Variants in GALT observed in about 807,000 individuals in gnomAD.
GALT encodes galactose-1-phosphate uridylyltransferase.
In GALT, 42 loss-of-function variants were observed where a neutral mutation model predicts 55.4. That is an observed-to-expected ratio of 0.76 (90% CI 0.59 to 0.98). The LOEUF is 0.98. Ranked by LOEUF, GALT falls within the 50% of genes least tolerant of loss-of-function variation. The pLI, the probability that GALT is intolerant of heterozygous loss-of-function variation, is 0.00. For synonymous variants in GALT, 154 were observed against 181.5 expected, an observed-to-expected ratio of 0.85 and a Z score of 1.22; for missense variants, 407 against 495.7, an observed-to-expected ratio of 0.82 and a Z score of 1.70.
intron 1 of GALT, 57 bp downstream of exon 1, chr9:34,646,843 T>G (rs1308876476): frequency 6.2e-7 from 1 of 1,611,638 alleles, no homozygotes; most frequent in East Asian, 2.2e-5. Context: ...TCCCCTTCCT[T>G]AGGAAGCTTT....
chr9:34,647,213 C>T lies in GALT; in HGVS notation c.207C>T (p.Asp69=), dbSNP rs777562713. 6.2e-7 allele frequency: 1 copy of T among 1,614,188 alleles called. No individual in the cohort carries two copies. Among genetic ancestry groups the T allele is most frequent in the South Asian group, 1.1e-5 (1 of 91,090 alleles). Residue 69 remains aspartate, a synonymous_variant, in exon 2 of 11, where the codon GAC becomes GAT. Coordinates refer to ENST00000378842, the MANE Select transcript of GALT (RefSeq NM_000155.4). This position sits in a 1 kb window ranked among gnomAD's most constrained non-coding sequence, Gnocchi z 5.6. The stretch of plus-strand genomic sequence containing the variant: ...TTCTGAAGACAGTGCCCCGCCATGA[C>T]CCTCTCAACCCTCTGTGTCCTGGGG... ...PQLLKTVPRH[D]PLNPLCPGAI...
chr9:34,650,037 T>C, intron 10 of GALT: 1 of 358,876 alleles, frequency 2.8e-6, no homozygotes, highest in Non-Finnish European at 5.2e-6. Context: ...CCCAGCACTT[T>C]GGGAGGTCAA....
At position 34,649,539 on chromosome 9, in the gene GALT, C is replaced by A. The variant is rs111033815; in HGVS notation, c.1034C>A (p.Ala345Asp). The A allele has an allele frequency of 2.5e-6, 4 of 1,614,082 alleles. No homozygotes were observed. In the East Asian group the frequency reaches 8.9e-5, roughly 36 times the overall value. Residue 345 changes from alanine (A) to aspartate (D), a missense_variant, in exon 10 of 11, where the codon GCT becomes GAT. Ala to Asp is a moderately radical substitution (Grantham distance 126). Coordinates refer to ENST00000378842, the MANE Select transcript of GALT (RefSeq NM_000155.4). ...FMVGYEMLAQ[A>D]QRDLTPEQAA... ...GTTGGCTACGAAATGCTTGCTCAGG[C>A]TCAGAGGGACCTCACCCCTGAGCAG...
In GALT at chr9:34,647,556, C is replaced by G; in HGVS notation, c.317C>G (p.Ala106Gly). The G allele has an allele frequency of 6.2e-7, 1 of 1,614,128 alleles. No individual in the cohort carries two copies. The highest frequency in any genetic ancestry group is 8.5e-7 in the Non-Finnish European group (1 of 1,180,012). Residue 106 changes from alanine to glycine, a missense_variant, in exon 3 of 11, where the codon GCC becomes GGC. Coordinates refer to ENST00000378842, the MANE Select transcript of GALT (RefSeq NM_000155.4). The surrounding 1 kb of genome is among the most constrained non-coding windows in gnomAD (Gnocchi z 5.6). ...GACTTCCCAGCTCTGCAGCCTGATG[C>G]CCCCAGTCCAGGTAACCTGGCTCCA... ...DNDFPALQPD[A>G]PSPGPSDHPL...
Position 34,647,274 on chromosome 9 carries a change from C to A in GALT, c.252+16C>A. On this transcript the variant is annotated intron_variant, in intron 2 of 10. Coordinates refer to ENST00000378842, the MANE Select transcript of GALT (RefSeq NM_000155.4). This position sits in a 1 kb window ranked among gnomAD's most constrained non-coding sequence, Gnocchi z 5.6. ...CAACGGAGAGGTAAGCCTGTAGAGC[C>A]CTGCATCTGCAGGCTGGGCCACGGG... is the stretch of plus-strand genomic sequence containing the variant. 1.2e-6 allele frequency: 2 copies of A among 1,613,976 alleles called. No homozygotes were observed. Among genetic ancestry groups the A allele is most frequent in the Non-Finnish European group, 1.7e-6 (2 of 1,179,934 alleles).
Position 34,647,706 on chromosome 9 carries a change from G to A in GALT, c.377+1G>A, listed in dbSNP as rs111033681. 1.9e-6 allele frequency: 3 copies of A among 1,614,148 alleles called. No homozygotes were observed. Among genetic ancestry groups the A allele is most frequent in the South Asian group, 1.1e-5 (1 of 91,084 alleles). ...AAGCAAAGTCTGCTCGAGGAGTCTG[G>A]TAACTATGGATTTCCCCTCTTACAA... On this transcript the variant is annotated splice_donor_variant, in intron 4 of 10. Transcript: ENST00000378842. LOFTEE classifies it high-confidence loss of function. The surrounding 1 kb of genome is among the most constrained non-coding windows in gnomAD (Gnocchi z 5.6).
rs201156392 is a variant in GALT at position 34,647,043 on chromosome 9, G to C, written c.83-46G>C. 5.9e-4 allele frequency: 947 copies of C among 1,613,520 alleles called. No individual in the cohort carries two copies. The highest frequency in any genetic ancestry group is 7.3e-4 in the Non-Finnish European group (863 of 1,179,752). On this transcript the variant is annotated intron_variant, in intron 1 of 10. Coordinates refer to ENST00000378842, the MANE Select transcript of GALT (RefSeq NM_000155.4). This position sits in a 1 kb window ranked among gnomAD's most constrained non-coding sequence, Gnocchi z 5.6. ...GCTGGTGGGTGAGACCCAGGAGAGA[G>C]GGAGCTAGAGAGCTCTGAGGACTGA...
At position 34,647,309 on chromosome 9, in the gene GALT, C is replaced by A. The variant is rs146622986; in HGVS notation, c.252+51C>A. 1.9e-6 allele frequency: 3 copies of A among 1,610,384 alleles called. No homozygotes were observed. The highest frequency in any genetic ancestry group is 2.5e-6 in the Non-Finnish European group (3 of 1,177,118). Reference sequence around the variant, plus strand: ...CAGGCTGGGCCACGGGGAGTAGTTCCCTCTTAGAACTGTCCTCCACCCACA... The same window carrying A: ...CAGGCTGGGCCACGGGGAGTAGTTCACTCTTAGAACTGTCCTCCACCCACA... On this transcript the variant is annotated intron_variant, in intron 2 of 10. Coordinates refer to ENST00000378842, the MANE Select transcript of GALT (RefSeq NM_000155.4). This position sits in a 1 kb window ranked among gnomAD's most constrained non-coding sequence, Gnocchi z 5.6.
Position 34,650,476 on chromosome 9 carries a change from C to CT in GALT, c.*33dup, listed in dbSNP as rs1821231546. On this transcript the variant is annotated 3_prime_UTR_variant, in exon 11 of 11. Transcript: ENST00000378842. Reference sequence around the variant, plus strand: ...CACGCCGACCACAGGGCCTTGAATCCTTTTTTGTTTTCAACAGTCTTGCTG... The same window carrying CT: ...CACGCCGACCACAGGGCCTTGAATCCTTTTTTTGTTTTCAACAGTCTTGCTG... The CT allele has an allele frequency of 6.2e-7, 1 of 1,608,938 alleles. No individual in the cohort carries two copies. The highest frequency in any genetic ancestry group is 1.3e-5 in the African/African-American group (1 of 74,782).
chr9:34,647,025 G>T lies in GALT; in HGVS notation c.83-64G>T, dbSNP rs530024257. ...GCTCCCGAGCTTGGGCCTGCTGGTG[G>T]GTGAGACCCAGGAGAGAGGGAGCTA... On this transcript the variant is annotated intron_variant, in intron 1 of 10. Coordinates refer to ENST00000378842, the MANE Select transcript of GALT (RefSeq NM_000155.4). This position sits in a 1 kb window ranked among gnomAD's most constrained non-coding sequence, Gnocchi z 5.6. 86 of 1,611,746 alleles carry T rather than the reference G, an allele frequency of 5.3e-5. No homozygotes were observed. The highest frequency in any genetic ancestry group is 2.7e-4 in the East Asian group (12 of 44,868).
chr9:34,650,466 GC>G lies in GALT; in HGVS notation c.*19del. ...ATCGCCTGACCACGCCGACCACAGG[GC>G]CTTGAATCCTTTTTTGTTTTCAACA... is the stretch of plus-strand genomic sequence containing the variant. On this transcript the variant is annotated 3_prime_UTR_variant, in exon 11 of 11. Transcript: ENST00000378842. The G allele has an allele frequency of 6.2e-7, 1 of 1,612,268 alleles. No homozygotes were observed. The highest frequency in any genetic ancestry group is 1.3e-5 in the African/African-American group (1 of 74,976).
At position 34,649,010 on chromosome 9, in the gene GALT, T is replaced by A. The variant is rs111033778; in HGVS notation, c.833T>A (p.Ile278Asn). Residue 278 changes from isoleucine to asparagine, a missense_variant, in exon 9 of 11, where the codon ATC becomes AAC. Ile to Asn is a moderately radical substitution (Grantham distance 149, BLOSUM62 -3). Transcript: ENST00000378842. Reference sequence around the variant, plus strand: ...GCTCTGATTCCAGATCTAGCCTCCATCATGAAGAAGCTCTTGACCAAGTAT... The same window carrying A: ...GCTCTGATTCCAGATCTAGCCTCCAACATGAAGAAGCTCTTGACCAAGTAT... Reference protein sequence around the residue: ...TPAERDDLASIMKKLLTKYDN... With the variant: ...TPAERDDLASNMKKLLTKYDN... 1 of 1,614,106 alleles carries A rather than the reference T, an allele frequency of 6.2e-7. No homozygotes were observed. Among genetic ancestry groups the A allele is most frequent in the Non-Finnish European group, 8.5e-7 (1 of 1,180,018 alleles).
In GALT at chr9:34,647,050, A is replaced by G. The variant is rs1395706076; in HGVS notation, c.83-39A>G. The G allele has an allele frequency of 1.2e-5, 19 of 1,613,292 alleles. No homozygotes were observed. The highest frequency in any genetic ancestry group is 1.6e-5 in the Non-Finnish European group (19 of 1,179,514). Reference sequence around the variant, plus strand: ...GGTGAGACCCAGGAGAGAGGGAGCTAGAGAGCTCTGAGGACTGATCTTGAC... The same window carrying G: ...GGTGAGACCCAGGAGAGAGGGAGCTGGAGAGCTCTGAGGACTGATCTTGAC... On this transcript the variant is annotated intron_variant, in intron 1 of 10. Transcript: ENST00000378842. This position sits in a 1 kb window ranked among gnomAD's most constrained non-coding sequence, Gnocchi z 5.6.
Position 34,648,707 on chromosome 9 carries a change from C to T in GALT, c.688-55C>T. The T allele has an allele frequency of 6.2e-7, 1 of 1,608,118 alleles. No individual in the cohort carries two copies. On this transcript the variant is annotated intron_variant, in intron 7 of 10. Transcript: ENST00000378842. The surrounding 1 kb of genome is among the most constrained non-coding windows in gnomAD (Gnocchi z 4.9). ...CTGCTTCCCTTGCCTATTTGCTGAC[C>T]ACACTCCGGCTCCTATGTCACCTTG...
chr9:34,649,817 C>T (rs2132346918), intron 10 of GALT: 1 of 500,404 alleles, frequency 2.0e-6, no homozygotes, highest in South Asian at 2.2e-5. Context: ...CCTGGGCATT[C>T]CTTGGGACTC....
At chr9:34,646,999 C>T (rs1432442645) in intron 1 of GALT, 90 bp from the exon 2 acceptor site, 7 of 1,607,108 alleles carry the variant, frequency 4.4e-6, no homozygotes, top group South Asian at 1.1e-5. Context: ...GCCGAGAGGG[C>T]GCTCCCGAGC....
chr9:34,647,487 G>T lies in GALT; in HGVS notation c.253-5G>T, dbSNP rs762136953. The T allele has an allele frequency of 6.2e-7, 1 of 1,613,992 alleles. No homozygotes were observed. Among genetic ancestry groups the T allele is most frequent in the Non-Finnish European group, 8.5e-7 (1 of 1,179,958 alleles). ...TGAGTGCTTCTAGCCTATCCTTGTC[G>T]GTAGGTGAATCCCCAGTACGATAGC... On this transcript the variant is annotated splice_region_variant and splice_polypyrimidine_tract_variant and intron_variant, in intron 2 of 10. Transcript: ENST00000378842. This position sits in a 1 kb window ranked among gnomAD's most constrained non-coding sequence, Gnocchi z 5.6.
rs1821173067 is a variant in GALT at position 34,648,712 on chromosome 9, T to G, written c.688-50T>G. 6 of 1,609,480 alleles carry G rather than the reference T, an allele frequency of 3.7e-6. No homozygotes were observed. In the South Asian group the frequency reaches 6.6e-5, roughly 18 times the overall value. On this transcript the variant is annotated intron_variant, in intron 7 of 10. Transcript: ENST00000378842. The surrounding 1 kb of genome is among the most constrained non-coding windows in gnomAD (Gnocchi z 4.9). The stretch of plus-strand genomic sequence containing the variant: ...TCCCTTGCCTATTTGCTGACCACAC[T>G]CCGGCTCCTATGTCACCTTGATGAC...
rs373753247 is a variant in GALT at position 34,647,582 on chromosome 9, A to G, written c.328+15A>G. On this transcript the variant is annotated intron_variant, in intron 3 of 10. Coordinates refer to ENST00000378842, the MANE Select transcript of GALT (RefSeq NM_000155.4). This position sits in a 1 kb window ranked among gnomAD's most constrained non-coding sequence, Gnocchi z 5.6. ...CCCCAGTCCAGGTAACCTGGCTCCA[A>G]CTGCTGCTGGGGAGGAGGGTGGCTA... is the stretch of plus-strand genomic sequence containing the variant. 1 of 1,614,002 alleles carries G rather than the reference A, an allele frequency of 6.2e-7. No individual in the cohort carries two copies. Among genetic ancestry groups the G allele is most frequent in the South Asian group, 1.1e-5 (1 of 91,066 alleles).
Sources: gnomAD v4.1 joint callset for allele counts on GRCh38, gnomAD v4.1.1 for gene constraint, Gnocchi (gnomAD v3.1) non-coding constraint, MANE v1.5 for transcripts, NCBI Gene and HGNC (gene_info 2026-07-23, HGNC 2026-07-21) for gene names.